Variants in SLCO3A1 observed in about 807,000 individuals in gnomAD.
SLCO3A1 encodes solute carrier organic anion transporter family member 3A1.
In SLCO3A1, 27 loss-of-function variants were observed where a neutral mutation model predicts 63.1. The ratio of observed to expected loss-of-function variants is 0.43; its 90% confidence interval spans 0.32 to 0.59. SLCO3A1 has a LOEUF of 0.59. SLCO3A1 is among the 20% of genes least tolerant of loss of function. SLCO3A1 has a pLI of 0.09. For synonymous variants in SLCO3A1, 473 were observed against 409.9 expected (o/e 1.15, Z -1.86); for missense variants, 773 against 945.8 (o/e 0.82, Z 2.40).
At chr15:91,955,938 T>C (rs1900156403) in intron 2 of SLCO3A1, among the ~76,000 whole-genome samples, 1 of 152,146 alleles carries the variant, frequency 6.6e-6, no homozygotes, top group Admixed American at 6.5e-5. Flanking sequence ...CTGGTGAATA[T>C]GCCAACAGAA....
chr15:92,071,239 G>A (rs1287148182), intron 2 of SLCO3A1, among the ~76,000 whole-genome samples: 1 of 152,206 alleles, frequency 6.6e-6, no homozygotes, highest in Non-Finnish European at 1.5e-5. Context: ...CTGCATGCAT[G>A]CGAGGCCGGT....
chr15:91,888,651 A>G (rs941502349), intron 1 of SLCO3A1, among the ~76,000 whole-genome samples: 6 of 152,172 alleles, frequency 3.9e-5, no homozygotes, highest in African/African-American at 1.4e-4. Context: ...ACTACCTGCT[A>G]TGTAATAAAT....
At position 92,152,919 on chromosome 15, in the gene SLCO3A1, C is replaced by G. The variant is rs371555834; in HGVS notation, c.1753+1905C>G. On this transcript the variant is annotated intron_variant, in intron 9 of 9. Coordinates refer to ENST00000318445, the MANE Select transcript of SLCO3A1 (RefSeq NM_013272.4). ...AGATCTCTGCACCTCTAGACAGATA[C>G]TAAGGACTCAATGCAACTGGCAGAA... 1.8e-4 allele frequency among the ~76,000 whole-genome samples: 27 copies of G among 152,280 alleles called. No individual in the cohort carries two copies. In the Middle Eastern group the frequency reaches 0.01, roughly 58 times the overall value.
Position 92,042,073 on chromosome 15 carries a change from CTCTGGGGT to C in SLCO3A1, c.647-52804_647-52797del, listed in dbSNP as rs1286489969. 2.0e-5 allele frequency among the ~76,000 whole-genome samples: 3 copies of C among 152,248 alleles called. No individual in the cohort carries two copies. In the East Asian group the frequency reaches 5.8e-4, roughly 29 times the overall value. ...GAGGTCTCAGATGAGCCCCATGTGA[CTCTGGGGT>C]TCTTTAATGGCGCTCTCTGCATTCT... On this transcript the variant is annotated intron_variant, in intron 2 of 9. Transcript: ENST00000318445.
intron 2 of SLCO3A1, among the ~76,000 whole-genome samples, chr15:91,920,044 C>T (rs749246731): frequency 1.3e-5 from 2 of 152,302 alleles, no homozygotes; most frequent in African/African-American, 2.4e-5. Flanking sequence ...GACATTGCTG[C>T]ATATATAATC....
At chr15:91,949,626 T>TC (rs1040607800) in intron 2 of SLCO3A1, among the ~76,000 whole-genome samples, 1 of 151,788 alleles carries the variant, frequency 6.6e-6, no homozygotes, top group South Asian at 2.1e-4. Context: ...TGAGACTCTG[T>TC]CCCCCCAAAA....
At chr15:91,878,033 T>C (rs1348343108) in intron 1 of SLCO3A1, among the ~76,000 whole-genome samples, 1 of 151,474 alleles carries the variant, frequency 6.6e-6, no homozygotes, top group Non-Finnish European at 1.5e-5. Flanking sequence ...CAAGATCTGG[T>C]ATCCCAGAAA....
chr15:91,929,282 A>C (rs972206547), intron 2 of SLCO3A1, among the ~76,000 whole-genome samples: 9 of 152,214 alleles, frequency 5.9e-5, no homozygotes, highest in East Asian at 3.9e-4. Context: ...TTTGACGTCC[A>C]AGTAGGTGAA....
intron 1 of SLCO3A1, among the ~76,000 whole-genome samples, chr15:91,867,126 C>T (rs1897184653): frequency 6.6e-6 from 1 of 152,192 alleles, no homozygotes; most frequent in South Asian, 2.1e-4. Flanking sequence ...CAGTTAGCAG[C>T]GCGGAGGCTG....
rs1485879350 is a variant in SLCO3A1 at position 91,886,842 on chromosome 15, A to G, written c.181-29151A>G. Among the ~76,000 whole-genome samples the G allele has an allele frequency of 6.6e-6, 1 of 152,230 alleles. No individual in the cohort carries two copies. Among genetic ancestry groups the G allele is most frequent in the Non-Finnish European group, 1.5e-5 (1 of 68,044 alleles). On this transcript the variant is annotated intron_variant, in intron 1 of 9. Coordinates refer to ENST00000318445, the MANE Select transcript of SLCO3A1 (RefSeq NM_013272.4). The surrounding 1 kb of genome is among the most constrained non-coding windows in gnomAD (Gnocchi z 4.9). ...CTCTGCAAGATGGCAGGTGCTGACA[A>G]GTGCCTTATATATTCTGTTTCTAGT...
intron 1 of SLCO3A1, among the ~76,000 whole-genome samples, chr15:91,906,769 T>C (rs892079103): frequency 1.3e-5 from 2 of 152,214 alleles, no homozygotes; most frequent in African/African-American, 4.8e-5. Flanking sequence ...CAAAAATATC[T>C]GGAAATGAAT....
intron 2 of SLCO3A1, among the ~76,000 whole-genome samples, chr15:92,046,681 A>ACTGTGAAGCCCCATGTAGCTCAC (rs2046867876): frequency 6.6e-6 from 1 of 152,004 alleles, no homozygotes; most frequent in Admixed American, 6.6e-5. Flanking sequence ...TGAAGAATCA[A>ACTGTGAAGCCCCATGTAGCTCAC]CTGTGAAGCC....
At position 92,147,000 on chromosome 15, in the gene SLCO3A1, C is replaced by A. The variant is rs747334812; in HGVS notation, c.1529C>A (p.Ala510Glu). Residue 510 changes from alanine to glutamate, a missense_variant, in exon 8 of 10, where the codon GCG becomes GAG. This residue lies in a region of SLCO3A1 where 565 missense variants were observed against 749.8 expected (regional missense o/e 0.75). Transcript: ENST00000318445. ...CCCTTTCAGAATCTCACGGGCTGTGCGTGCCTCACCACCGTCCCTGCTGAG... is the reference window on the plus strand; with the variant it reads ...CCCTTTCAGAATCTCACGGGCTGTGAGTGCCTCACCACCGTCCCTGCTGAG... ...GCNSTNLTGC[A>E]CLTTVPAENA... 4 of 1,612,540 alleles carry A rather than the reference C, an allele frequency of 2.5e-6. No individual in the cohort carries two copies. In the South Asian group the frequency reaches 4.4e-5, roughly 18 times the overall value.
chr15:92,128,749 GAT>G (rs935351064), intron 7 of SLCO3A1, among the ~76,000 whole-genome samples: 1 of 152,184 alleles, frequency 6.6e-6, no homozygotes, highest in Admixed American at 6.5e-5. Context: ...CAAAGGAAAA[GAT>G]GGTGGTTCAA....
intron 2 of SLCO3A1, among the ~76,000 whole-genome samples, chr15:92,054,883 G>A (rs1052194043): frequency 3.9e-5 from 6 of 151,956 alleles, no homozygotes; most frequent in African/African-American, 1.5e-4. Flanking sequence ...CCATGTTCTT[G>A]GTATTATGAA....
At chr15:91,924,974 C>T (rs1898963743) in intron 2 of SLCO3A1, among the ~76,000 whole-genome samples, 3 of 152,160 alleles carry the variant, frequency 2.0e-5, no homozygotes, top group Admixed American at 2.0e-4. Flanking sequence ...ACCAGAGAGG[C>T]CCAGGATGAC....
chr15:92,039,228 A>G, intron 2 of SLCO3A1, among the ~76,000 whole-genome samples: 1 of 152,224 alleles, frequency 6.6e-6, no homozygotes, highest in East Asian at 1.9e-4. Flanking sequence ...AAATTGACAA[A>G]TGGGATCTAA....
intron 2 of SLCO3A1, among the ~76,000 whole-genome samples, chr15:91,999,717 A>G (rs940820557): frequency 5.9e-5 from 9 of 152,204 alleles, no homozygotes; most frequent in Non-Finnish European, 1.2e-4. Context: ...GCTTGAGCCC[A>G]GAGTTGAAGG....
chr15:91,976,991 T>A (rs1901140397), intron 2 of SLCO3A1, among the ~76,000 whole-genome samples: 1 of 152,134 alleles, frequency 6.6e-6, no homozygotes, highest in African/African-American at 2.4e-5. Context: ...GGTTTTGAGA[T>A]CAACCAGTCT....
Sources: allele counts gnomAD v4.1 joint callset (sites outside exome capture counted in the v4.1 genomes callset), GRCh38; gene constraint gnomAD v4.1.1; regional missense constraint gnomAD v4.1.1; non-coding constraint Gnocchi (gnomAD v3.1); transcripts MANE v1.5; gene names NCBI Gene and HGNC (gene_info 2026-07-23, HGNC 2026-07-21).